The following WWOX variants were observed in gnomAD, a reference collection of about 807,000 sequenced individuals.
The protein encoded by WWOX is WW domain containing oxidoreductase.
In WWOX, 69 loss-of-function variants were observed where a neutral mutation model predicts 46.2. The ratio of observed to expected loss-of-function variants is 1.49; its 90% CI spans 1.23 to 1.82. The LOEUF is 1.82. WWOX is among the 40% of genes most tolerant of loss of function. WWOX has a pLI of 0.00. For missense variants in WWOX, 919 were observed against 542.6 expected (o/e 1.69, Z -6.89); for synonymous variants, 359 against 202.6 (o/e 1.77, Z -6.56).
intron 8 of WWOX, among the ~76,000 whole-genome samples, chr16:78,773,686 G>C (rs1228611390): frequency 6.6e-6 from 1 of 152,192 alleles, no homozygotes; most frequent in African/African-American, 2.4e-5. Flanking sequence ...AATCACAGTG[G>C]TGTGTCTGGA....
intron 5 of WWOX, among the ~76,000 whole-genome samples, chr16:78,359,948 A>G (rs1425106827): frequency 6.6e-6 from 1 of 152,212 alleles, no homozygotes; most frequent in Non-Finnish European, 1.5e-5. Flanking sequence ...CATCTTGCAA[A>G]TTTGCCTTCA....
intron 8 of WWOX, among the ~76,000 whole-genome samples, chr16:79,135,566 A>G (rs1347146932): frequency 1.3e-5 from 2 of 152,208 alleles, no homozygotes; most frequent in Non-Finnish European, 2.9e-5. Context: ...TCTTTGACAT[A>G]TACATCAATA....
intron 8 of WWOX, among the ~76,000 whole-genome samples, chr16:78,875,128 ACT>A (rs2044209467): frequency 6.6e-6 from 1 of 151,930 alleles, no homozygotes; most frequent in African/African-American, 2.4e-5. Flanking sequence ...TCTCGGGCTG[ACT>A]CTCTACTTCA....
At position 78,527,991 on chromosome 16, in the gene WWOX, C is replaced by CTTTTTTTTTTTTTTTTTTTTTTTTTTTTT. The variant is rs71140808; in HGVS notation, c.1056+95264_1056+95265insTTTTTTTTTTTTTTTTTTTTTTTTTTTTT. On this transcript the variant is annotated intron_variant, in intron 8 of 8. Coordinates refer to ENST00000566780, the MANE Select transcript of WWOX (RefSeq NM_016373.4). ...CTATGTCACAGGACTGGTACATGTCCTTTTTTTTTTTTTTTTTTTTTTTTT... is the reference window on the plus strand; with the variant it reads ...CTATGTCACAGGACTGGTACATGTCCTTTTTTTTTTTTTTTTTTTTTTTTTTTTTTTTTTTTTTTTTTTTTTTTTTTTTT... Among the ~76,000 whole-genome samples, 28 of 34,880 alleles carry CTTTTTTTTTTTTTTTTTTTTTTTTTTTTT rather than the reference C, an allele frequency of 8.0e-4. 4 individuals carry two copies. The highest frequency in any genetic ancestry group is 3.9e-3 in the East Asian group (4 of 1,024). 22.9% of individuals were successfully genotyped at this position (34,880 alleles called of 152,430 possible).
At chr16:78,888,278 C>A (rs988537500) in intron 8 of WWOX, among the ~76,000 whole-genome samples, 4 of 152,188 alleles carry the variant, frequency 2.6e-5, no homozygotes, top group South Asian at 2.1e-4. Context: ...TGAGAACCCA[C>A]TTTGGGCTAG....
intron 8 of WWOX, among the ~76,000 whole-genome samples, chr16:78,555,417 C>T (rs562595455): frequency 6.6e-6 from 1 of 152,176 alleles, no homozygotes; most frequent in East Asian, 1.9e-4. Flanking sequence ...TACAGAGCTG[C>T]AGCTTTGGAC....
intron 3 of WWOX, among the ~76,000 whole-genome samples, chr16:78,111,121 G>C (rs2032464946): frequency 6.6e-6 from 1 of 152,046 alleles, no homozygotes; most frequent in African/African-American, 2.4e-5. Flanking sequence ...CACTTGCATG[G>C]ATCCAGTGTG....
intron 8 of WWOX, among the ~76,000 whole-genome samples, chr16:78,659,267 C>G (rs938325120): frequency 3.9e-5 from 6 of 152,040 alleles, no homozygotes; most frequent in Middle Eastern, 3.2e-3. Context: ...CAGAGATAAC[C>G]GTGTAGCAGA....
At chr16:78,656,302 C>T (rs996404650) in intron 8 of WWOX, among the ~76,000 whole-genome samples, 1 of 152,078 alleles carries the variant, frequency 6.6e-6, no homozygotes, top group African/African-American at 2.4e-5. Context: ...CTCCAACATG[C>T]ATGTCCTTTC....
intron 8 of WWOX, among the ~76,000 whole-genome samples, chr16:78,976,370 C>T (rs1291624624): frequency 6.6e-6 from 1 of 152,220 alleles, no homozygotes; most frequent in African/African-American, 2.4e-5. Context: ...CTCGCTCACT[C>T]CCAGCACTCA....
chr16:79,211,032 G>GGTGTGTGTGTGTGT (rs1555547718), intron 8 of WWOX, among the ~76,000 whole-genome samples: 2 of 30,442 alleles, frequency 6.6e-5, no homozygotes, highest in South Asian at 1.8e-3. Flanking sequence ...TGTATGGTGA[G>GGTGTGTGTGTGTGT]GAGTGTGTGT....
rs544389554 is a variant in WWOX at position 78,133,269 on chromosome 16, C to G, written c.409+18115C>G. Among the ~76,000 whole-genome samples, 103 of 152,210 alleles carry G rather than the reference C, an allele frequency of 6.8e-4. 1 individual carries two copies. The highest frequency in any genetic ancestry group is 6.7e-3 in the Admixed American group (103 of 15,294). ...AAAGTGAAAATTTTATTTATTTTTA[C>G]TTTTTTTGAAAGATGGAGTCTTGCA... On this transcript the variant is annotated intron_variant, in intron 4 of 8. Transcript: ENST00000566780.
chr16:78,996,981 T>A (rs999024244), intron 8 of WWOX, among the ~76,000 whole-genome samples: 2 of 152,246 alleles, frequency 1.3e-5, no homozygotes, highest in East Asian at 3.9e-4. Flanking sequence ...TCTTTTCGCC[T>A]TGGCAGTCCC....
intron 8 of WWOX, among the ~76,000 whole-genome samples, chr16:78,905,210 T>C (rs926059172): frequency 3.3e-5 from 5 of 152,064 alleles, no homozygotes; most frequent in African/African-American, 1.2e-4. Flanking sequence ...ATGGCCAATC[T>C]CAGGAGAGGA....
At chr16:78,889,985 T>C (rs1459822285) in intron 8 of WWOX, among the ~76,000 whole-genome samples, 11 of 150,566 alleles carry the variant, frequency 7.3e-5, no homozygotes, top group South Asian at 4.2e-4. Context: ...TGAATCTCTG[T>C]TTTTTTTTCT....
intron 8 of WWOX, among the ~76,000 whole-genome samples, chr16:78,543,682 A>G (rs926571222): frequency 6.6e-6 from 1 of 152,190 alleles, no homozygotes; most frequent in Admixed American, 6.5e-5. Flanking sequence ...CAAGACTATA[A>G]GACCCAAGAC....
chr16:79,030,339 C>T (rs1182363384), intron 8 of WWOX, among the ~76,000 whole-genome samples: 1 of 152,216 alleles, frequency 6.6e-6, no homozygotes, highest in Non-Finnish European at 1.5e-5. Flanking sequence ...GAAAAGGAAT[C>T]TGACAAATTT....
intron 8 of WWOX, among the ~76,000 whole-genome samples, chr16:78,980,662 A>G (rs1416764076): frequency 1.3e-5 from 2 of 152,186 alleles, no homozygotes; most frequent in East Asian, 1.9e-4. Flanking sequence ...GGAACCCCAC[A>G]TGGCATTTCA....
chr16:79,164,168 A>G (rs1032830899), intron 8 of WWOX, among the ~76,000 whole-genome samples: 2 of 152,232 alleles, frequency 1.3e-5, no homozygotes, highest in South Asian at 2.1e-4. Context: ...ATAGAAAAAT[A>G]TAAATCAATA....
Sources: gnomAD v4.1 joint callset for allele counts (sites outside exome capture counted in the v4.1 genomes callset) on GRCh38, gnomAD v4.1.1 for gene constraint, MANE v1.5 for transcripts, NCBI Gene and HGNC (gene_info 2026-07-23, HGNC 2026-07-21) for gene names.